FBXO15: variants seen among roughly 807,000 people sequenced by gnomAD.
FBXO15 encodes F-box protein 15.
A neutral mutation model predicts 49.5 loss-of-function variants in FBXO15; 30 were observed. The ratio of observed to expected loss-of-function variants is 0.61; its 90% CI spans 0.45 to 0.82. The LOEUF (loss-of-function observed/expected upper bound fraction) is 0.82, where lower values mean the gene tolerates loss of function less well. Among genes scored for constraint, FBXO15 ranks in the 40% least tolerant of loss-of-function variants. The probability of loss-of-function intolerance (pLI) is 0.00; values close to 1 mark genes in which losing one functional copy is unlikely to be tolerated. For synonymous variants in FBXO15, 250 were observed against 232.7 expected (o/e 1.07, Z -0.68); for missense variants, 591 against 631.5 (o/e 0.94, Z 0.69).
At chr18:74,143,696 C>G (rs1979227613) in intron 1 of FBXO15, among the ~76,000 whole-genome samples, 1 of 152,194 alleles carries the variant, frequency 6.6e-6, no homozygotes, top group African/African-American at 2.4e-5. Flanking sequence ...TTTTTCAACC[C>G]AGGTTAAGTG....
At chr18:74,079,683 A>T (rs1404749214) in intron 9 of FBXO15, among the ~76,000 whole-genome samples, 2 of 152,184 alleles carry the variant, frequency 1.3e-5, no homozygotes, top group Non-Finnish European at 2.9e-5. Flanking sequence ...TTACCACATA[A>T]ACTTATGATC....
chr18:74,135,377 G>A (rs1978654391), intron 3 of FBXO15, among the ~76,000 whole-genome samples: 2 of 152,170 alleles, frequency 1.3e-5, no homozygotes, highest in Non-Finnish European at 1.5e-5. Context: ...TTGGCCATCA[G>A]CAGAGAGCAC....
At chr18:74,142,320 A>C (rs917209800) in intron 1 of FBXO15, among the ~76,000 whole-genome samples, 2 of 152,232 alleles carry the variant, frequency 1.3e-5, no homozygotes, top group Non-Finnish European at 2.9e-5. Context: ...GTTTAAACAC[A>C]GATTTCCACA....
chr18:74,130,788 TTGAACG>T (rs750734010), intron 3 of FBXO15, 130 bp from the exon 4 acceptor site: 11 of 998,890 alleles, frequency 1.1e-5, no homozygotes, highest in Non-Finnish European at 4.3e-6. Context: ...ATATTTACAG[TTGAACG>T]TTCATCTGTT....
chr18:74,085,977 G>A (rs554537639), intron 8 of FBXO15, among the ~76,000 whole-genome samples: 1 of 152,198 alleles, frequency 6.6e-6, no homozygotes, highest in South Asian at 2.1e-4. Flanking sequence ...TTCATAATAA[G>A]TCATCAGATG....
At position 74,123,387 on chromosome 18, in the gene FBXO15, G is replaced by A. The variant is rs149560608; in HGVS notation, c.1119C>T (p.Arg373=). 356 of 1,609,256 alleles carry A rather than the reference G, an allele frequency of 2.2e-4. No individual in the cohort carries two copies. The highest frequency in any genetic ancestry group is 2.8e-4 in the Non-Finnish European group (334 of 1,178,912). ...TTTCACCTCTCTTGGTGAAGAGATT[G>A]CGAAATGTACCACATAGGTAGAAAA... ...GGVFYLCGTF[R]NLFTKRGNIE... Residue 373 remains arginine (R), a synonymous_variant, in exon 8 of 10, where the codon CGC becomes CGT. Transcript: ENST00000419743.
chr18:74,147,198 C>T (rs1979483053), intron 1 of FBXO15: 1 of 152,362 alleles, frequency 6.6e-6, no homozygotes, highest in South Asian at 2.1e-4. Flanking sequence ...ACCAACCTGC[C>T]TGCCCGAGGT....
intron 1 of FBXO15, among the ~76,000 whole-genome samples, chr18:74,145,106 C>G (rs1372033677): frequency 1.3e-5 from 2 of 152,106 alleles, no homozygotes; most frequent in Non-Finnish European, 2.9e-5. Context: ...ATGCTTTTCC[C>G]TAATCTGAAA....
intron 2 of FBXO15, among the ~76,000 whole-genome samples, chr18:74,138,246 G>A (rs1978843040): frequency 6.6e-6 from 1 of 152,154 alleles, no homozygotes. Context: ...CCACCTCCAA[G>A]CTCCCTAATT....
intron 8 of FBXO15, among the ~76,000 whole-genome samples, chr18:74,109,840 G>A (rs923682697): frequency 7.2e-5 from 11 of 151,728 alleles, no homozygotes; most frequent in East Asian, 3.9e-4. Context: ...GGGATGGGGG[G>A]CTGGGGGAGG....
chr18:74,141,956 G>A (rs551532906), intron 1 of FBXO15, among the ~76,000 whole-genome samples: 174 of 152,284 alleles, frequency 1.1e-3, no homozygotes, highest in African/African-American at 4.0e-3. Flanking sequence ...CACAGTAGCT[G>A]GTACAGGGTA....
At chr18:74,110,609 CAG>C (rs1345080430) in intron 8 of FBXO15, among the ~76,000 whole-genome samples, 1 of 151,050 alleles carries the variant, frequency 6.6e-6, no homozygotes, top group Non-Finnish European at 1.5e-5. Flanking sequence ...AATTAAGAGA[CAG>C]AGATTCTCAG....
chr18:74,093,267 G>GT (rs1555676387), intron 8 of FBXO15, among the ~76,000 whole-genome samples: 1 of 150,082 alleles, frequency 6.7e-6, no homozygotes, highest in Non-Finnish European at 1.5e-5. Flanking sequence ...AAACAATGGG[G>GT]GGGGGGTGGC....
intron 9 of FBXO15, among the ~76,000 whole-genome samples, chr18:74,080,948 T>C (rs181100342): frequency 1.3e-5 from 2 of 152,338 alleles, no homozygotes. Context: ...CGTGAATATT[T>C]TATCTTAGTA....
At chr18:74,129,346 C>T (rs1163272068) in intron 5 of FBXO15, 59 bp downstream of exon 5, 2 of 1,418,438 alleles carry the variant, frequency 1.4e-6, no homozygotes, top group Admixed American at 4.1e-5. Context: ...AAAAGTAATG[C>T]CAACTAATAT....
chr18:74,142,891 T>C (rs1363363761), intron 1 of FBXO15, among the ~76,000 whole-genome samples: 1 of 152,240 alleles, frequency 6.6e-6, no homozygotes, highest in Non-Finnish European at 1.5e-5. Context: ...GCATGACTTA[T>C]TTTTAAATGG....
chr18:74,100,393 A>T (rs1913462242), intron 8 of FBXO15, among the ~76,000 whole-genome samples: 1 of 152,126 alleles, frequency 6.6e-6, no homozygotes, highest in East Asian at 1.9e-4. Context: ...AACCTATCAA[A>T]CCTCTAGGAT....
intron 1 of FBXO15, among the ~76,000 whole-genome samples, chr18:74,146,600 T>C (rs1478259466): frequency 6.6e-6 from 1 of 152,218 alleles, no homozygotes; most frequent in East Asian, 1.9e-4. Flanking sequence ...CATAAAAGAA[T>C]TTTTGCAGGC....
intron 8 of FBXO15, among the ~76,000 whole-genome samples, chr18:74,102,145 C>T (rs112470972): frequency 0.012 from 1,842 of 151,954 alleles, 40 homozygotes; most frequent in African/African-American, 0.042. Flanking sequence ...AGCTTTTTCA[C>T]GGCAAAAGAA....
Sources: gnomAD v4.1 joint callset for allele counts (sites outside exome capture counted in the v4.1 genomes callset) on GRCh38, gnomAD v4.1.1 for gene constraint, MANE v1.5 for transcripts, NCBI Gene and HGNC (gene_info 2026-07-23, HGNC 2026-07-21) for gene names.